The following MOK variants were observed in gnomAD, a reference collection of about 807,000 sequenced individuals.
MOK encodes the protein MAPK/MAK/MRK overlapping kinase.
MOK carries 59 observed loss-of-function variants against 54.2 expected under a neutral mutation model. The observed-to-expected ratio is 1.09, with a 90% CI of 0.88 to 1.35. The LOEUF is 1.35. MOK is among the 40% of genes most tolerant of loss of function. The pLI is 0.00. For synonymous variants in MOK, 210 were observed against 202.7 expected, an observed-to-expected ratio of 1.04 and a Z score of -0.31; for missense variants, 517 against 526.2, an observed-to-expected ratio of 0.98 and a Z score of 0.17.
intron 1 of MOK, among the ~76,000 whole-genome samples, chr14:102,297,665 A>G (rs1156304284): frequency 6.6e-6 from 1 of 152,080 alleles, no homozygotes; most frequent in African/African-American, 2.4e-5. Flanking sequence ...GTGGAGGAAG[A>G]GGCACCGCGA....
At chr14:102,263,859 C>A in intron 3 of MOK, 2 of 358,164 alleles carry the variant, frequency 5.6e-6, no homozygotes, top group South Asian at 4.7e-5. Context: ...ACAGATATGT[C>A]TTGAAAATAC....
chr14:102,290,544 G>A (rs753716755), intron 1 of MOK, among the ~76,000 whole-genome samples: 3 of 152,060 alleles, frequency 2.0e-5, no homozygotes, highest in Admixed American at 1.3e-4. Flanking sequence ...TAAGTAAATC[G>A]GTATATTAAA....
chr14:102,228,355 G>C (rs1234212287), downstream of MOK, among the ~76,000 whole-genome samples: 1 of 152,246 alleles, frequency 6.6e-6, no homozygotes, highest in African/African-American at 2.4e-5. Context: ...AGGGCTCCGA[G>C]GACACGCCTG....
rs2065224306 is a variant in MOK at position 102,236,375 on chromosome 14, C to G, written c.591-2586G>C. 6.6e-6 allele frequency among the ~76,000 whole-genome samples: 1 copy of G among 152,222 alleles called. No homozygotes were observed. Among genetic ancestry groups the G allele is most frequent in the Non-Finnish European group, 1.5e-5 (1 of 68,028 alleles). Reference sequence around the variant, plus strand: ...ATTTTCAGGACCCACTCATCCCTCTCAGGTCTCAGTTGTGGGGGCTGATGG... The same window carrying G: ...ATTTTCAGGACCCACTCATCCCTCTGAGGTCTCAGTTGTGGGGGCTGATGG... On this transcript the variant is annotated intron_variant, in intron 7 of 11. Transcript: ENST00000361847. This position sits in a 1 kb window ranked among gnomAD's most constrained non-coding sequence, Gnocchi z 4.5.
chr14:102,261,224 C>T (rs1329679974), intron 4 of MOK, among the ~76,000 whole-genome samples: 1 of 136,736 alleles, frequency 7.3e-6, no homozygotes, highest in Non-Finnish European at 1.5e-5. Context: ...CATTGCACTC[C>T]AGCCTGGCAA....
At position 102,229,264 on chromosome 14, in the gene MOK, AAGTCG is replaced by A; in HGVS notation, c.*20_*24del. ...CCGGTCGGGCTTGGTGTTGCCTCCG[AAGTCG>A]AGACGACGGTGCTGCTCAGTTATCT... On this transcript the variant is annotated 3_prime_UTR_variant, in exon 12 of 12. Coordinates refer to ENST00000361847, the MANE Select transcript of MOK (RefSeq NM_014226.3). 6.4e-7 allele frequency: 1 copy of A among 1,565,692 alleles called. No individual in the cohort carries two copies. Among genetic ancestry groups the A allele is most frequent in the South Asian group, 1.2e-5 (1 of 82,506 alleles).
chr14:102,290,504 G>T (rs2070656275), intron 1 of MOK, among the ~76,000 whole-genome samples: 1 of 152,050 alleles, frequency 6.6e-6, no homozygotes, highest in South Asian at 2.1e-4. Flanking sequence ...AAGGCTTGGG[G>T]AATGGAACAT....
At chr14:102,229,408 T>G (rs1597223340) in intron 11 of MOK, 42 bp from the exon 12 acceptor site, 1 of 1,614,106 alleles carries the variant, frequency 6.2e-7, no homozygotes, top group East Asian at 2.2e-5. Context: ...AGTGGCGGCC[T>G]GGGCTGGGTC....
At chr14:102,284,221 C>T (rs1807485048) in intron 1 of MOK, among the ~76,000 whole-genome samples, 1 of 151,896 alleles carries the variant, frequency 6.6e-6, no homozygotes, top group Non-Finnish European at 1.5e-5. Flanking sequence ...AACAAATGAG[C>T]ACCTTGATGT....
chr14:102,218,457 A>G, the MOK span, among the ~76,000 whole-genome samples: 1 of 152,232 alleles, frequency 6.6e-6, no homozygotes, highest in Non-Finnish European at 1.5e-5. Flanking sequence ...TGGCCCTCAC[A>G]GTCCTATCTG....
At chr14:102,294,604 G>C (rs912954386) in intron 1 of MOK, among the ~76,000 whole-genome samples, 4 of 151,864 alleles carry the variant, frequency 2.6e-5, no homozygotes, top group African/African-American at 7.3e-5. Context: ...GACAGACAGC[G>C]AGAGACCTTG....
intron 1 of MOK, among the ~76,000 whole-genome samples, chr14:102,292,972 A>G (rs967363088): frequency 6.6e-6 from 1 of 152,010 alleles, no homozygotes; most frequent in Non-Finnish European, 1.5e-5. Flanking sequence ...CATCTCTACT[A>G]AAAATACAAA....
Position 102,232,555 on chromosome 14 carries a change from G to A in MOK, c.846C>T (p.His282=), listed in dbSNP as rs1411537268. 2 of 1,613,850 alleles carry A rather than the reference G, an allele frequency of 1.2e-6. No homozygotes were observed. Among genetic ancestry groups the A allele is most frequent in the South Asian group, 1.1e-5 (1 of 91,056 alleles). ...ERIAAHQALQ[H]PYFQEQRKTE... The stretch of plus-strand genomic sequence containing the variant: ...CCTACCTCTGTTCTTGGAAGTAGGG[G>A]TGCTGCAGGGCCTGGTGGGCGGCGA... The change falls in exon 9 of 12, where the codon CAC becomes CAT. Residue 282 remains histidine (H), a synonymous_variant. Transcript: ENST00000361847. This position sits in a 1 kb window ranked among gnomAD's most constrained non-coding sequence, Gnocchi z 5.1.
chr14:102,294,326 G>C (rs1397572342), intron 1 of MOK, among the ~76,000 whole-genome samples: 1 of 151,750 alleles, frequency 6.6e-6, no homozygotes. Context: ...GGCACGTGTA[G>C]TCCCAGCTAC....
At position 102,305,028 on chromosome 14, in the gene MOK, G is replaced by A. The variant is rs1597687815; in HGVS notation, c.-60C>T. Reference sequence around the variant, plus strand: ...ACACTGGACGGAAAAGAAAGAAGCAGGAAGGTTGTCCCCCTGCTTTCCACT... The same window carrying A: ...ACACTGGACGGAAAAGAAAGAAGCAAGAAGGTTGTCCCCCTGCTTTCCACT... On this transcript the variant is annotated 5_prime_UTR_variant, in exon 1 of 12. Coordinates refer to ENST00000361847, the MANE Select transcript of MOK (RefSeq NM_014226.3). The A allele has an allele frequency of 1.9e-6, 3 of 1,588,350 alleles. No individual in the cohort carries two copies. Among genetic ancestry groups the A allele is most frequent in the Admixed American group, 3.6e-5 (2 of 56,272 alleles).
In MOK at chr14:102,250,970, C is replaced by T. The variant is rs750186023; in HGVS notation, c.432G>A (p.Gly144=). ...AGACACTCCGGCAGGAGCCAAAGTCCCCTAATTTCAGGACATCCTGCTGGA... is the reference window on the plus strand; with the variant it reads ...AGACACTCCGGCAGGAGCCAAAGTCTCCTAATTTCAGGACATCCTGCTGGA... ...ILIKQDVLKL[G]DFGSCRSVYS... is the part of the protein sequence containing the mutation. The change falls in exon 7 of 12, where the codon GGG becomes GGA. Residue 144 remains glycine (G), a synonymous_variant. Coordinates refer to ENST00000361847, the MANE Select transcript of MOK (RefSeq NM_014226.3). 1.9e-6 allele frequency: 3 copies of T among 1,613,894 alleles called. No individual in the cohort carries two copies. The African/African-American group carries it at 4.0e-5, about 22-fold the overall frequency.
At position 102,231,909 on chromosome 14, in the gene MOK, A is replaced by G. The variant is rs1365363434; in HGVS notation, c.867-88T>C. On this transcript the variant is annotated intron_variant, in intron 9 of 11. Transcript: ENST00000361847. This position sits in a 1 kb window ranked among gnomAD's most constrained non-coding sequence, Gnocchi z 4.4. ...TGGCTTCTTTGTCTCCAATTTGTCT[A>G]CTGTGTGAGTTGTCACTAGCTCTTC... The G allele has an allele frequency of 9.2e-7, 1 of 1,087,308 alleles. No individual in the cohort carries two copies. The allele number at this position is 1,087,308 out of a possible 1,614,324, so 67.4% of individuals were successfully genotyped here. A position where few individuals can be genotyped will look rare whatever the true frequency, so the allele number is the denominator to read the frequency against.
chr14:102,290,331 C>T (rs148307820), intron 1 of MOK, among the ~76,000 whole-genome samples: 9,160 of 151,714 alleles, frequency 0.06, 310 homozygotes, highest in South Asian at 0.12. Flanking sequence ...CCCAGCTACT[C>T]AGGAAGGCTG....
At position 102,229,336 on chromosome 14, in the gene MOK, G is replaced by GGGCAGGCGACACTGCTGCGC; in HGVS notation, c.1212_1213insGCGCAGCAGTGTCGCCTGCC (p.Pro405AlafsTer16). On this transcript the variant is annotated frameshift_variant, in exon 12 of 12. Transcript: ENST00000361847. LOFTEE classifies it low-confidence loss of function (END_TRUNC). ...ATGGTGGGCAGGCGACACTGCTGCGGGGCAGGCTTAAGGTCCTTCTGCGGA... is the reference window on the plus strand; with the variant it reads ...ATGGTGGGCAGGCGACACTGCTGCGGGGCAGGCGACACTGCTGCGCGGCAGGCTTAAGGTCCTTCTGCGGA... 1 of 1,614,036 alleles carries GGGCAGGCGACACTGCTGCGC rather than the reference G, an allele frequency of 6.2e-7. No individual in the cohort carries two copies. Among genetic ancestry groups the GGGCAGGCGACACTGCTGCGC allele is most frequent in the Non-Finnish European group, 8.5e-7 (1 of 1,179,926 alleles).
Sources: gnomAD v4.1 joint callset for allele counts (sites outside exome capture counted in the v4.1 genomes callset) on GRCh38, gnomAD v4.1.1 for gene constraint, Gnocchi (gnomAD v3.1) non-coding constraint, MANE v1.5 for transcripts, NCBI Gene and HGNC (gene_info 2026-07-23, HGNC 2026-07-21) for gene names.